ATXN2: variants seen among roughly 807,000 people sequenced by gnomAD.
ATXN2 encodes ataxin-2.
In ATXN2, 37 loss-of-function variants were observed where a neutral mutation model predicts 138.6. The ratio of observed to expected loss-of-function variants is 0.27; its 90% confidence interval spans 0.21 to 0.35. The LOEUF is 0.35. Ranked by LOEUF, ATXN2 falls within the 10% of genes least tolerant of loss-of-function variation. ATXN2 has a pLI of 1.00. For synonymous variants in ATXN2, 549 were observed against 543.7 expected (o/e 1.01, Z -0.13); for missense variants, 1,216 against 1,480.3 (o/e 0.82, Z 2.93).
intron 5 of ATXN2, among the ~76,000 whole-genome samples, chr12:111,528,928 T>C (rs1459509346): frequency 1.3e-5 from 2 of 152,228 alleles, no homozygotes; most frequent in Non-Finnish European, 2.9e-5. Context: ...TTTACAGTGG[T>C]TACAAGTTTG....
chr12:111,503,481 A>T (rs983204853), intron 14 of ATXN2, among the ~76,000 whole-genome samples: 1 of 152,256 alleles, frequency 6.6e-6, no homozygotes, highest in African/African-American at 2.4e-5. Context: ...GTACACAGGA[A>T]ATACGCAATA....
At position 111,457,386 on chromosome 12, in the gene ATXN2, A is replaced by G. The variant is rs769294209; in HGVS notation, c.2897-27T>C. The stretch of plus-strand genomic sequence containing the variant: ...TAAAGTGAAAGAAAAAGGAGCATGT[A>G]CACAACCGATGTCTGACAACCTCCA... On this transcript the variant is annotated intron_variant, in intron 21 of 24. Coordinates refer to ENST00000673436, the MANE Select transcript of ATXN2 (RefSeq NM_001372574.1). The G allele has an allele frequency of 2.5e-6, 4 of 1,588,588 alleles. No individual in the cohort carries two copies. In the South Asian group the frequency reaches 4.6e-5, roughly 18 times the overall value.
At chr12:111,513,751 TATAA>T (rs1358022077) in intron 10 of ATXN2, among the ~76,000 whole-genome samples, 3 of 152,032 alleles carry the variant, frequency 2.0e-5, no homozygotes, top group African/African-American at 7.2e-5. Context: ...CACAAAGTTT[TATAA>T]ATAAATTTTA....
chr12:111,542,958 T>C (rs1050492208), intron 5 of ATXN2, among the ~76,000 whole-genome samples: 4 of 152,334 alleles, frequency 2.6e-5, no homozygotes, highest in African/African-American at 9.6e-5. Flanking sequence ...TTCTATATAC[T>C]CTAAAAATTA....
At chr12:111,470,476 A>C (rs1876331528) in intron 19 of ATXN2, 82 bp downstream of exon 19, 8 of 1,507,698 alleles carry the variant, frequency 5.3e-6, no homozygotes, top group Non-Finnish European at 6.3e-6. Context: ...AAAAGCAAAA[A>C]TTATAAAGGA....
At chr12:111,458,811 C>T (rs544785664) in intron 21 of ATXN2, among the ~76,000 whole-genome samples, 3 of 152,322 alleles carry the variant, frequency 2.0e-5, no homozygotes, top group South Asian at 4.1e-4. Flanking sequence ...CCAGCATAGA[C>T]GGCTCTGGGT....
At chr12:111,571,885 G>A (rs996478403) in intron 1 of ATXN2, among the ~76,000 whole-genome samples, 1 of 151,738 alleles carries the variant, frequency 6.6e-6, no homozygotes, top group South Asian at 2.1e-4. Context: ...GGCAGCATGT[G>A]CCTGTAATCC....
At position 111,518,328 on chromosome 12, in the gene ATXN2, G is replaced by A; in HGVS notation, c.1086C>T (p.Gly362=). Residue 362 remains glycine (G), a synonymous_variant, in exon 9 of 25, where the codon GGC becomes GGT. Coordinates refer to ENST00000673436, the MANE Select transcript of ATXN2 (RefSeq NM_001372574.1). ...GAGAAGTGGATCTTGATGGCATGGA[G>A]CCCGATCCAGGCTGGCCCATACGCG... ...NSPRMGQPGS[G]SMPSRSTSHT... is the part of the protein sequence containing the mutation. 2 of 1,613,348 alleles carry A rather than the reference G, an allele frequency of 1.2e-6. No homozygotes were observed.
chr12:111,478,966 G>A (rs1040443026), intron 18 of ATXN2: 17 of 226,712 alleles, frequency 7.5e-5, no homozygotes, highest in East Asian at 7.1e-4. Context: ...CTGAAATCAC[G>A]CCACTGAACT....
At position 111,599,182 on chromosome 12, in the gene ATXN2, G is replaced by C; in HGVS notation, c.-148C>G. 1 of 1,204,672 alleles carries C rather than the reference G, an allele frequency of 8.3e-7. No homozygotes were observed. The highest frequency in any genetic ancestry group is 4.1e-5 in the South Asian group (1 of 24,508). The allele number at this position is 1,204,672 out of a possible 1,614,324, so 74.6% of individuals were successfully genotyped here. ...CGGCCGGAGGGGCGCCCGGGCTGGC[G>C]AGGGGGAGAAGGAGGACGACGAAGG... is the stretch of plus-strand genomic sequence containing the variant. On this transcript the variant is annotated 5_prime_UTR_variant, in exon 1 of 25. Coordinates refer to ENST00000673436, the MANE Select transcript of ATXN2 (RefSeq NM_001372574.1).
chr12:111,486,907 A>G, intron 15 of ATXN2, 83 bp from the exon 16 acceptor site: 1 of 1,147,850 alleles, frequency 8.7e-7, no homozygotes. Context: ...TTTAAAAAAA[A>G]TTGCTAAATA....
chr12:111,483,051 G>A (rs1471767836), intron 18 of ATXN2, among the ~76,000 whole-genome samples: 1 of 151,898 alleles, frequency 6.6e-6, no homozygotes, highest in Admixed American at 6.6e-5. Flanking sequence ...GCTAGGTGTG[G>A]TGGTGTGCAC....
chr12:111,570,170 T>C (rs1883237474), intron 1 of ATXN2, among the ~76,000 whole-genome samples: 1 of 152,186 alleles, frequency 6.6e-6, no homozygotes, highest in Non-Finnish European at 1.5e-5. Context: ...ATATCACCTC[T>C]GACTTATGCA....
intron 18 of ATXN2, 96 bp from the exon 19 acceptor site, chr12:111,470,838 G>T (rs1296718173): frequency 7.6e-7 from 1 of 1,321,816 alleles, no homozygotes; most frequent in East Asian, 2.5e-5. Flanking sequence ...ATTTGACCCT[G>T]AATCTGCGTC....
At chr12:111,457,154 A>C (rs767758634) in intron 22 of ATXN2, 60 bp downstream of exon 22, 84 of 1,555,218 alleles carry the variant, frequency 5.4e-5, no homozygotes, top group Non-Finnish European at 6.9e-5. Context: ...GCACCTGAAG[A>C]AAGCACTCAG....
intron 1 of ATXN2, among the ~76,000 whole-genome samples, chr12:111,565,200 T>C (rs182357642): frequency 6.6e-6 from 1 of 152,318 alleles, no homozygotes; most frequent in East Asian, 1.9e-4. Flanking sequence ...GTACATGTGA[T>C]GGCAATACAT....
intron 1 of ATXN2, among the ~76,000 whole-genome samples, chr12:111,591,473 C>T (rs542104344): frequency 6.6e-6 from 1 of 151,700 alleles, no homozygotes; most frequent in South Asian, 2.1e-4. Context: ...AGTTTGAGAC[C>T]AATCTGGGCA....
At chr12:111,553,033 A>G in intron 3 of ATXN2, 56 bp from the exon 4 acceptor site, 2 of 1,195,962 alleles carry the variant, frequency 1.7e-6, no homozygotes, top group East Asian at 2.7e-5. Flanking sequence ...GTCACCAGGG[A>G]TATTTGTTTT....
At chr12:111,589,925 A>G (rs1477605173) in intron 1 of ATXN2, among the ~76,000 whole-genome samples, 1 of 152,102 alleles carries the variant, frequency 6.6e-6, no homozygotes, top group East Asian at 1.9e-4. Context: ...TCTCAAAAAA[A>G]TAAGGCGAGG....
Sources: allele counts gnomAD v4.1 joint callset (sites outside exome capture counted in the v4.1 genomes callset), GRCh38; gene constraint gnomAD v4.1.1; transcripts MANE v1.5; gene names NCBI Gene and HGNC (gene_info 2026-07-23, HGNC 2026-07-21).